JMY: variants seen among roughly 807,000 people sequenced by gnomAD.
JMY encodes junction mediating and regulatory protein, p53 cofactor.
A neutral mutation model predicts 103.3 loss-of-function variants in JMY; 46 were observed. That is an observed-to-expected ratio of 0.45 (90% CI 0.35 to 0.57). The LOEUF is 0.57. Ranked by LOEUF, JMY falls within the 20% of genes least tolerant of loss-of-function variation. JMY has a pLI of 0.00. For synonymous variants in JMY, 526 were observed against 489.3 expected, an observed-to-expected ratio of 1.07 and a Z score of -0.99; for missense variants, 1,238 against 1,255.2, an observed-to-expected ratio of 0.99 and a Z score of 0.21.
chr5:79,258,669 C>G (rs540114172), intron 1 of JMY, among the ~76,000 whole-genome samples: 2 of 152,068 alleles, frequency 1.3e-5, no homozygotes, highest in African/African-American at 4.8e-5. Flanking sequence ...TGTGGCTGGA[C>G]CAGGGATACC....
intron 1 of JMY, among the ~76,000 whole-genome samples, chr5:79,243,886 A>G (rs1744812157): frequency 6.6e-6 from 1 of 152,194 alleles, no homozygotes; most frequent in South Asian, 2.1e-4. Flanking sequence ...AAAAACATGG[A>G]GACTGGTAGC....
intron 1 of JMY, among the ~76,000 whole-genome samples, chr5:79,252,236 A>C (rs569808433): frequency 2.4e-4 from 36 of 151,634 alleles, no homozygotes; most frequent in African/African-American, 8.0e-4. Context: ...ATTCAGGAGC[A>C]TATTGTTTAA....
chr5:79,258,006 G>A (rs1330302688), intron 1 of JMY, among the ~76,000 whole-genome samples: 15 of 152,102 alleles, frequency 9.9e-5, no homozygotes, highest in African/African-American at 3.1e-4. Context: ...CAAGTGGTCC[G>A]CCTGCCTCAG....
At chr5:79,247,034 G>GT (rs1744926248) in intron 1 of JMY, among the ~76,000 whole-genome samples, 1 of 152,102 alleles carries the variant, frequency 6.6e-6, no homozygotes, top group South Asian at 2.1e-4. Flanking sequence ...CCTACATAAC[G>GT]TATCTATTGT....
chr5:79,246,842 A>G (rs751155988), intron 1 of JMY, among the ~76,000 whole-genome samples: 7 of 152,016 alleles, frequency 4.6e-5, no homozygotes, highest in Non-Finnish European at 8.8e-5. Context: ...AGATTGCGGC[A>G]CTGCACTCTA....
chr5:79,263,685 A>AT (rs201643975), intron 1 of JMY, among the ~76,000 whole-genome samples: 5,655 of 150,916 alleles, frequency 0.037, 343 homozygotes, highest in African/African-American at 0.13. Flanking sequence ...GGCCACTAAA[A>AT]TTTTTTTTTA....
At chr5:79,274,232 AGAATTAGTT>A (rs983820556) in intron 1 of JMY, among the ~76,000 whole-genome samples, 9 of 152,190 alleles carry the variant, frequency 5.9e-5, no homozygotes, top group African/African-American at 1.9e-4. Context: ...TTTCTATCCT[AGAATTAGTT>A]TCTATTTTTT....
chr5:79,325,697 C>G lies in JMY; in HGVS notation c.*4095C>G, dbSNP rs906152138. On this transcript the variant is annotated 3_prime_UTR_variant, in exon 11 of 11. Coordinates refer to ENST00000396137, the MANE Select transcript of JMY (RefSeq NM_152405.5). ...TTTCTGAACTTTGCTGCAAAGTGCTCTTTAGTTAAAGCACATTAAGAAGGG... is the reference window on the plus strand; with the variant it reads ...TTTCTGAACTTTGCTGCAAAGTGCTGTTTAGTTAAAGCACATTAAGAAGGG... 5 of 152,086 alleles carry G rather than the reference C, an allele frequency of 3.3e-5. No individual in the cohort carries two copies. Among genetic ancestry groups the G allele is most frequent in the African/African-American group, 1.2e-4 (5 of 41,412 alleles). 9.4% of individuals were successfully genotyped at this position (152,086 alleles called of 1,614,324 possible).
chr5:79,306,273 G>GTT, intron 6 of JMY, 102 bp from the exon 7 acceptor site: 1 of 761,008 alleles, frequency 1.3e-6, no homozygotes, highest in Non-Finnish European at 2.3e-6. Context: ...GTGATACTTT[G>GTT]TTCTGTAGGT....
intron 10 of JMY, among the ~76,000 whole-genome samples, chr5:79,317,194 T>C (rs761938526): frequency 6.6e-6 from 1 of 152,168 alleles, no homozygotes; most frequent in African/African-American, 2.4e-5. Flanking sequence ...AATTGTTGCA[T>C]TGTCTGATTA....
intron 4 of JMY, among the ~76,000 whole-genome samples, chr5:79,295,433 A>G (rs1214616342): frequency 1.3e-5 from 2 of 152,216 alleles, no homozygotes; most frequent in Non-Finnish European, 2.9e-5. Flanking sequence ...ACCTTCTGGA[A>G]TGTTATGATT....
At chr5:79,241,720 ACTT>A (rs1744748973) in intron 1 of JMY, among the ~76,000 whole-genome samples, 2 of 152,240 alleles carry the variant, frequency 1.3e-5, no homozygotes, top group South Asian at 2.1e-4. Context: ...TGTACATTAT[ACTT>A]CTTAGGGGCT....
At chr5:79,263,731 C>T (rs907230074) in intron 1 of JMY, among the ~76,000 whole-genome samples, 4 of 151,808 alleles carry the variant, frequency 2.6e-5, no homozygotes, top group Admixed American at 6.6e-5. Flanking sequence ...TGGAGTACAC[C>T]GGTGCAATCA....
intron 1 of JMY, among the ~76,000 whole-genome samples, chr5:79,250,156 TA>T (rs574472005): frequency 1.3e-5 from 2 of 152,200 alleles, no homozygotes; most frequent in South Asian, 4.1e-4. Context: ...TTGTTTGTAC[TA>T]AAAACCGTGT....
intron 1 of JMY, among the ~76,000 whole-genome samples, chr5:79,238,735 C>A (rs549802617): frequency 6.6e-6 from 1 of 151,438 alleles, no homozygotes. Flanking sequence ...GCAGCCTCCC[C>A]CTCCCGGGTT....
chr5:79,282,552 G>A (rs1055347036), intron 2 of JMY, among the ~76,000 whole-genome samples: 5 of 152,042 alleles, frequency 3.3e-5, no homozygotes, highest in African/African-American at 9.7e-5. Flanking sequence ...GTGAAAAGAG[G>A]GACTATCTAG....
chr5:79,247,562 C>T (rs910887155), intron 1 of JMY, among the ~76,000 whole-genome samples: 1 of 152,294 alleles, frequency 6.6e-6, no homozygotes, highest in South Asian at 2.1e-4. Context: ...AGCCATCTGC[C>T]TGCCTCAGTC....
intron 8 of JMY, among the ~76,000 whole-genome samples, chr5:79,313,720 CT>C (rs548688726): frequency 1.2e-4 from 18 of 152,188 alleles, no homozygotes; most frequent in African/African-American, 3.1e-4. Flanking sequence ...CACTAAAAAT[CT>C]TTTTTTAATC....
At chr5:79,291,917 T>C (rs568042391) in intron 4 of JMY, among the ~76,000 whole-genome samples, 14 of 152,386 alleles carry the variant, frequency 9.2e-5, no homozygotes, top group Middle Eastern at 3.4e-3. Context: ...TCATCATCTC[T>C]GCTTTAGTTA....
Sources: allele counts gnomAD v4.1 joint callset (sites outside exome capture counted in the v4.1 genomes callset), GRCh38; gene constraint gnomAD v4.1.1; transcripts MANE v1.5; gene names NCBI Gene and HGNC (gene_info 2026-07-23, HGNC 2026-07-21).